Variants in CUL1 observed in about 807,000 individuals in gnomAD.
CUL1 encodes cullin 1, also known as cullin-1.
A neutral mutation model predicts 118.0 loss-of-function variants in CUL1; 24 were observed. That is an observed-to-expected ratio of 0.20 (90% confidence interval 0.15 to 0.29). The LOEUF (loss-of-function observed/expected upper bound fraction) is 0.29, where lower values mean the gene tolerates loss of function less well. Among genes scored for constraint, CUL1 ranks in the 10% least tolerant of loss-of-function variants. CUL1 has a pLI of 1.00. For missense variants in CUL1, 361 were observed against 933.8 expected (o/e 0.39, Z 7.99); for synonymous variants, 332 against 340.4 (o/e 0.98, Z 0.27).
At chr7:148,797,779 C>T in intron 17 of CUL1, 33 bp from the exon 18 acceptor site, 1 of 1,583,910 alleles carries the variant, frequency 6.3e-7, no homozygotes, top group Non-Finnish European at 8.7e-7. Flanking sequence ...ATGCATTTTC[C>T]CTTTAACTTC....
chr7:148,716,727 T>G (rs1364012503), intron 1 of CUL1, among the ~76,000 whole-genome samples: 1 of 152,254 alleles, frequency 6.6e-6, no homozygotes, highest in African/African-American at 2.4e-5. Context: ...AGAATTTACT[T>G]TCTTATCAGT....
At chr7:148,720,850 C>G (rs1376884277) in intron 1 of CUL1, among the ~76,000 whole-genome samples, 1 of 152,318 alleles carries the variant, frequency 6.6e-6, no homozygotes, top group East Asian at 1.9e-4. Flanking sequence ...TTTCTTACTC[C>G]TGAAATTATT....
intron 16 of CUL1, among the ~76,000 whole-genome samples, chr7:148,790,744 C>G (rs187159482): frequency 1.3e-5 from 2 of 152,064 alleles, no homozygotes; most frequent in Admixed American, 6.6e-5. Context: ...TGTTTGGCAC[C>G]GCTCCTGCCT....
At chr7:148,721,246 C>G (rs1156639899) in intron 1 of CUL1, among the ~76,000 whole-genome samples, 1 of 152,178 alleles carries the variant, frequency 6.6e-6, no homozygotes, top group African/African-American at 2.4e-5. Flanking sequence ...AACCCATTCC[C>G]CACTAAGAAA....
intron 6 of CUL1, among the ~76,000 whole-genome samples, chr7:148,759,891 A>T (rs962767032): frequency 1.3e-5 from 2 of 152,176 alleles, no homozygotes; most frequent in Non-Finnish European, 2.9e-5. Context: ...TTCTGGTCTC[A>T]TAGTGAATTA....
At position 148,786,615 on chromosome 7, in the gene CUL1, G is replaced by C; in HGVS notation, c.1347+16G>C. ...CAATCAAGTGGTAAGTGCTTCATGA[G>C]CATACCCATTTCCAGTAGCTGTGTA... is the stretch of plus-strand genomic sequence containing the variant. On this transcript the variant is annotated intron_variant, in intron 12 of 21. Transcript: ENST00000325222. 6.2e-7 allele frequency: 1 copy of C among 1,608,972 alleles called. No homozygotes were observed. Among genetic ancestry groups the C allele is most frequent in the Non-Finnish European group, 8.5e-7 (1 of 1,175,990 alleles).
At chr7:148,769,587 T>A (rs1800142918) in intron 9 of CUL1, among the ~76,000 whole-genome samples, 1 of 152,228 alleles carries the variant, frequency 6.6e-6, no homozygotes, top group African/African-American at 2.4e-5. Context: ...ATGACTTGAC[T>A]TTCCTTGAAA....
chr7:148,713,318 T>C (rs142157864), intron 1 of CUL1, among the ~76,000 whole-genome samples: 2,372 of 152,312 alleles, frequency 0.016, 52 homozygotes, highest in African/African-American at 0.053. Flanking sequence ...TTGGACAAAC[T>C]GGGCAGTCTT....
At chr7:148,760,312 A>G (rs773637942) in intron 6 of CUL1, 21 bp from the exon 7 acceptor site, 3 of 1,586,956 alleles carry the variant, frequency 1.9e-6, no homozygotes, top group Admixed American at 1.8e-5. Flanking sequence ...TAATTGAAAT[A>G]TAGCTCATAT....
In CUL1 at chr7:148,787,267, C is replaced by G; in HGVS notation, c.1479+147C>G. ...CACGAGGTCAGGAGATCGAGACCAT[C>G]CTGGCTAATATGGAGAAACCCCATC... On this transcript the variant is annotated intron_variant, in intron 13 of 21. Transcript: ENST00000325222. This position sits in a 1 kb window ranked among gnomAD's most constrained non-coding sequence, Gnocchi z 5.5. 1.5e-6 allele frequency: 1 copy of G among 689,426 alleles called. No individual in the cohort carries two copies. Among genetic ancestry groups the G allele is most frequent in the Non-Finnish European group, 2.3e-6 (1 of 426,260 alleles). 42.7% of individuals were successfully genotyped at this position (689,426 alleles called of 1,614,324 possible).
intron 2 of CUL1, among the ~76,000 whole-genome samples, chr7:148,750,391 CTGCACCCATTA>C (rs1799449572): frequency 6.6e-6 from 1 of 150,950 alleles, no homozygotes; most frequent in East Asian, 2.0e-4. Context: ...TGTTGGTTTG[CTGCACCCATTA>C]ACTCGTCATT....
At chr7:148,744,591 A>G (rs1799250100) in intron 2 of CUL1, among the ~76,000 whole-genome samples, 3 of 152,090 alleles carry the variant, frequency 2.0e-5, no homozygotes, top group South Asian at 2.1e-4. Flanking sequence ...TCTCCTTTAT[A>G]TTACCTCTAC....
chr7:148,743,434 C>T (rs1465054812), intron 2 of CUL1, among the ~76,000 whole-genome samples: 1 of 152,186 alleles, frequency 6.6e-6, no homozygotes, highest in Non-Finnish European at 1.5e-5. Context: ...TCTTTTCTCC[C>T]TGCTCAGAGA....
rs923802337 is a variant in CUL1 at position 148,699,485 on chromosome 7, C to T, written c.-162+456C>T. Among the ~76,000 whole-genome samples, 21 of 152,238 alleles carry T rather than the reference C, an allele frequency of 1.4e-4. No individual in the cohort carries two copies. In the East Asian group the frequency reaches 4.1e-3, roughly 29 times the overall value. On this transcript the variant is annotated intron_variant, in intron 1 of 21. Transcript: ENST00000325222. Reference sequence around the variant, plus strand: ...ACGCCGGGACCCGTGCCCTTGCCCCCTCGCGCCCACGCTTCTTCCCGGCGC... The same window carrying T: ...ACGCCGGGACCCGTGCCCTTGCCCCTTCGCGCCCACGCTTCTTCCCGGCGC...
rs1800855327 is a variant in CUL1 at position 148,787,487 on chromosome 7, C to T, written c.1479+367C>T. ...AGAAAAAAATAAAAAAGCTCTTAGT[C>T]TCTCCAGGTTATGAGGCAGGCAGAG... On this transcript the variant is annotated intron_variant, in intron 13 of 21. Transcript: ENST00000325222. This position sits in a 1 kb window ranked among gnomAD's most constrained non-coding sequence, Gnocchi z 5.5. Among the ~76,000 whole-genome samples the T allele has an allele frequency of 6.6e-6, 1 of 152,062 alleles. No homozygotes were observed. The highest frequency in any genetic ancestry group is 2.4e-5 in the African/African-American group (1 of 41,402).
intron 4 of CUL1, among the ~76,000 whole-genome samples, chr7:148,757,980 C>A (rs570724597): frequency 6.6e-6 from 1 of 152,180 alleles, no homozygotes; most frequent in Non-Finnish European, 1.5e-5. Flanking sequence ...AGCTATAGTT[C>A]AAGATGAGAT....
chr7:148,781,247 A>T (rs1271422528), intron 9 of CUL1, among the ~76,000 whole-genome samples: 1 of 151,458 alleles, frequency 6.6e-6, no homozygotes, highest in Non-Finnish European at 1.5e-5. Flanking sequence ...CCCTCAGCTG[A>T]TTTTTTTGTA....
At chr7:148,726,249 T>C (rs944177062) in intron 1 of CUL1, among the ~76,000 whole-genome samples, 7 of 152,146 alleles carry the variant, frequency 4.6e-5, no homozygotes, top group African/African-American at 1.7e-4. Context: ...AGAATGGAGG[T>C]GTTATGGAGA....
At position 148,787,868 on chromosome 7, in the gene CUL1, G is replaced by A. The variant is rs539062566; in HGVS notation, c.1480-689G>A. Among the ~76,000 whole-genome samples, 1 of 152,164 alleles carries A rather than the reference G, an allele frequency of 6.6e-6. No individual in the cohort carries two copies. Among genetic ancestry groups the A allele is most frequent in the Non-Finnish European group, 1.5e-5 (1 of 68,026 alleles). ...GCTGTCGAGTGCTCTTATCTGACTTGGGACATACTTTACTTTGGCCCCAAA... is the reference window on the plus strand; with the variant it reads ...GCTGTCGAGTGCTCTTATCTGACTTAGGACATACTTTACTTTGGCCCCAAA... On this transcript the variant is annotated intron_variant, in intron 13 of 21. Transcript: ENST00000325222. This position sits in a 1 kb window ranked among gnomAD's most constrained non-coding sequence, Gnocchi z 5.5.
Sources: allele counts gnomAD v4.1 joint callset (sites outside exome capture counted in the v4.1 genomes callset), GRCh38; gene constraint gnomAD v4.1.1; non-coding constraint Gnocchi (gnomAD v3.1); transcripts MANE v1.5; gene names NCBI Gene and HGNC (gene_info 2026-07-23, HGNC 2026-07-21).